AMER3: variants seen among roughly 807,000 people sequenced by gnomAD.
The protein encoded by AMER3 is APC membrane recruitment protein 3, also known as family with sequence similarity 123C.
For synonymous variants in AMER3, 541 were observed against 485.5 expected, an observed-to-expected ratio of 1.11 and a Z score of -1.50; for missense variants, 1,201 against 1,139.4, an observed-to-expected ratio of 1.05 and a Z score of -0.78.
chr2:130,764,844 A>G lies in AMER3; in HGVS notation c.*186A>G. 1 of 754,554 alleles carries G rather than the reference A, an allele frequency of 1.3e-6. No homozygotes were observed. The highest frequency in any genetic ancestry group is 1.8e-5 in the African/African-American group (1 of 56,640). The allele number at this position is 754,554 out of a possible 1,614,324, so 46.7% of individuals were successfully genotyped here. A position where few individuals can be genotyped will look rare whatever the true frequency, so the allele number is the denominator to read the frequency against. On this transcript the variant is annotated 3_prime_UTR_variant, in exon 2 of 2. Transcript: ENST00000321420. ...CATCCTTGCCTGAACCCACCAGCTC[A>G]GGCAGCCCACCGCCAAAGACAGCGC...
At position 130,764,758 on chromosome 2, in the gene AMER3, G is replaced by T; in HGVS notation, c.*100G>T. On this transcript the variant is annotated 3_prime_UTR_variant, in exon 2 of 2. Coordinates refer to ENST00000321420, the MANE Select transcript of AMER3 (RefSeq NM_152698.3). The stretch of plus-strand genomic sequence containing the variant: ...ATCTTTTGTCCCTGATGTGGGGACT[G>T]TGTTGGGGGTGGGGGGTGGCAGGAC... 2 of 1,345,744 alleles carry T rather than the reference G, an allele frequency of 1.5e-6. No homozygotes were observed. The highest frequency in any genetic ancestry group is 2.8e-5 in the Admixed American group (1 of 35,684). 83.4% of individuals were successfully genotyped at this position (1,345,744 alleles called of 1,614,324 possible).
chr2:130,759,071 A>G (rs79841643), intron 1 of AMER3, among the ~76,000 whole-genome samples: 4,551 of 152,278 alleles, frequency 0.03, 220 homozygotes, highest in African/African-American at 0.1. Flanking sequence ...TTCCGATAAA[A>G]CATTTTAATA....
chr2:130,756,593 A>C (rs371379430), intron 1 of AMER3, among the ~76,000 whole-genome samples: 1 of 152,064 alleles, frequency 6.6e-6, no homozygotes, highest in South Asian at 2.1e-4. Flanking sequence ...AGGGAAGCGG[A>C]GAAACCCTCC....
rs754418807 is a variant in AMER3 at position 130,763,284 on chromosome 2, C to A, written c.1212C>A (p.Ser404Arg). ...AGGAGGACAAGAAGGAAGCTGAGAG[C>A]CCAGGCACTCCTGCCGCCACCTTCC... ...GLEEDKKEAE[S>R]PGTPAATFPR... The change falls in exon 2 of 2, where the codon AGC becomes AGA. Residue 404 changes from serine (S) to arginine (R), a missense_variant. Coordinates refer to ENST00000321420, the MANE Select transcript of AMER3 (RefSeq NM_152698.3). 12 of 1,613,766 alleles carry A rather than the reference C, an allele frequency of 7.4e-6. No homozygotes were observed. Among genetic ancestry groups the A allele is most frequent in the Middle Eastern group, 3.3e-4 (2 of 6,062 alleles).
At position 130,763,609 on chromosome 2, in the gene AMER3, C is replaced by T. The variant is rs752803111; in HGVS notation, c.1537C>T (p.Arg513Cys). The T allele has an allele frequency of 4.5e-5, 71 of 1,586,944 alleles. No homozygotes were observed. The highest frequency in any genetic ancestry group is 5.8e-5 in the South Asian group (5 of 86,902). ...AITMGIVSWL[R>C]RGPTPRAPPT... ...CACCATGGGCATCGTCAGCTGGCTG[C>T]GCCGAGGCCCCACGCCCCGTGCCCC... Residue 513 changes from arginine (R) to cysteine (C), a missense_variant, in exon 2 of 2, where the codon CGC becomes TGC. Physicochemically the swap from Arg to Cys is radical, Grantham distance 180 (BLOSUM62 -3). Transcript: ENST00000321420.
rs1241609532 is a variant in AMER3 at position 130,762,037 on chromosome 2, C to T, written c.-19-17C>T. ...CTCCCGTCTATGATACTGAGTGCCT[C>T]CTGCTTTCCTCCACAGCAGCTGGGG... On this transcript the variant is annotated splice_polypyrimidine_tract_variant and intron_variant, in intron 1 of 1. Transcript: ENST00000321420. 1 of 1,593,790 alleles carries T rather than the reference C, an allele frequency of 6.3e-7. No individual in the cohort carries two copies. The highest frequency in any genetic ancestry group is 8.5e-7 in the Non-Finnish European group (1 of 1,170,408).
Position 130,762,378 on chromosome 2 carries a change from C to G in AMER3, c.306C>G (p.Gly102=). The change falls in exon 2 of 2, where the codon GGC becomes GGG. Residue 102 remains glycine, a synonymous_variant. Coordinates refer to ENST00000321420, the MANE Select transcript of AMER3 (RefSeq NM_152698.3). ...CKTHDSMSGA[G]RATAATGQLV... ...CTCACGACAGCATGTCTGGGGCAGG[C>G]AGGGCCACGGCTGCCACAGGGCAGC... The G allele has an allele frequency of 6.2e-7, 1 of 1,611,378 alleles. No individual in the cohort carries two copies. Among genetic ancestry groups the G allele is most frequent in the East Asian group, 2.2e-5 (1 of 44,872 alleles).
chr2:130,756,146 C>T (rs1337202028), intron 1 of AMER3: 1 of 148,156 alleles, frequency 6.7e-6, no homozygotes, highest in East Asian at 1.9e-4. Context: ...CCCTCGCCAC[C>T]CCTGCGCGCC....
At chr2:130,759,951 T>G (rs1242946990) in intron 1 of AMER3, among the ~76,000 whole-genome samples, 1 of 152,212 alleles carries the variant, frequency 6.6e-6, no homozygotes, top group Non-Finnish European at 1.5e-5. Context: ...GAGCCACAGC[T>G]TGGAGAGTAA....
Position 130,762,184 on chromosome 2 carries a change from T to TCAGTCCTTCCAGGAGGGCAACAGAG in AMER3, c.113_137dup (p.Arg46SerfsTer13). ...AGCCAGGGAGGGGACAGGCCCCTGGTCAGTCCTTCCAGGAGGGCAACAGAG... is the reference window on the plus strand; with the variant it reads ...AGCCAGGGAGGGGACAGGCCCCTGGTCAGTCCTTCCAGGAGGGCAACAGAGCAGTCCTTCCAGGAGGGCAACAGAG... On this transcript the variant is annotated frameshift_variant, in exon 2 of 2. Transcript: ENST00000321420. LOFTEE classifies it low-confidence loss of function (END_TRUNC). The TCAGTCCTTCCAGGAGGGCAACAGAG allele has an allele frequency of 6.3e-7, 1 of 1,597,902 alleles. No homozygotes were observed. The highest frequency in any genetic ancestry group is 8.5e-7 in the Non-Finnish European group (1 of 1,172,412).
In AMER3 at chr2:130,762,919, G is replaced by A. The variant is rs778035664; in HGVS notation, c.847G>A (p.Val283Ile). The A allele has an allele frequency of 6.2e-7, 1 of 1,612,754 alleles. No homozygotes were observed. Among genetic ancestry groups the A allele is most frequent in the Non-Finnish European group, 8.5e-7 (1 of 1,179,646 alleles). ...GGCTGCTCAGGGCCTGGAGAGCAAG[G>A]TTCCCAGGGGCCCTCTCCAGGGCAG... is the stretch of plus-strand genomic sequence containing the variant. The part of the protein sequence containing the change: ...TQAAQGLESK[V>I]PRGPLQGSVE... Residue 283 changes from valine (V) to isoleucine (I), a missense_variant, in exon 2 of 2, where the codon GTT becomes ATT. Transcript: ENST00000321420.
At position 130,764,679 on chromosome 2, in the gene AMER3, G is replaced by A. The variant is rs374628084; in HGVS notation, c.*21G>A. On this transcript the variant is annotated 3_prime_UTR_variant, in exon 2 of 2. Coordinates refer to ENST00000321420, the MANE Select transcript of AMER3 (RefSeq NM_152698.3). ...TGTAGGACAGGCTCACATGCACCAG[G>A]AACTGCATGTGTCTTCATGACCACT... 2.2e-4 allele frequency: 338 copies of A among 1,570,608 alleles called. No individual in the cohort carries two copies. Among genetic ancestry groups the A allele is most frequent in the Middle Eastern group, 1.5e-3 (7 of 4,610 alleles).
rs777396837 is a variant in AMER3, at chr2:130,763,299, C to T, written c.1227C>T (p.Ala409=). The T allele has an allele frequency of 7.4e-6, 12 of 1,613,620 alleles. No individual in the cohort carries two copies. The highest frequency in any genetic ancestry group is 2.7e-5 in the African/African-American group (2 of 74,940). The change falls in exon 2 of 2, where the codon GCC becomes GCT. Residue 409 remains alanine (A), a synonymous_variant. Coordinates refer to ENST00000321420, the MANE Select transcript of AMER3 (RefSeq NM_152698.3). ...AAGCTGAGAGCCCAGGCACTCCTGC[C>T]GCCACCTTCCCACGGGACAGCTACA... The part of the protein sequence containing the change: ...KKEAESPGTP[A]ATFPRDSYSG...
chr2:130,755,926 A>C (rs1027114506), intron 1 of AMER3: 4 of 152,086 alleles, frequency 2.6e-5, no homozygotes, highest in Admixed American at 6.5e-5. Flanking sequence ...CTCCCGGAAG[A>C]GGGGACAGCG....
At chr2:130,758,215 T>G (rs1393158558) in intron 1 of AMER3, among the ~76,000 whole-genome samples, 3 of 150,362 alleles carry the variant, frequency 2.0e-5, no homozygotes, top group African/African-American at 7.4e-5. Flanking sequence ...AAAAAAAAAA[T>G]TAACTGGGCG....
At position 130,766,483 on chromosome 2, in the gene AMER3, CTT is replaced by C. The variant is rs913069900; in HGVS notation, c.*1849_*1850del. On this transcript the variant is annotated 3_prime_UTR_variant, in exon 2 of 2. Coordinates refer to ENST00000321420, the MANE Select transcript of AMER3 (RefSeq NM_152698.3). ...GGCATGGCACCAGCATCTGCTGCTG[CTT>C]TTTTTTTTTTTTTTTTTTTTTTTGA... The C allele has an allele frequency of 2.6e-4, 23 of 87,116 alleles. No homozygotes were observed. The highest frequency in any genetic ancestry group is 6.1e-4 in the African/African-American group (12 of 19,696). The allele number at this position is 87,116 out of a possible 1,614,324, so 5.4% of individuals were successfully genotyped here. A position where few individuals can be genotyped will look rare whatever the true frequency, so the allele number is the denominator to read the frequency against.
intron 1 of AMER3, among the ~76,000 whole-genome samples, chr2:130,758,599 T>G (rs182027183): frequency 6.6e-6 from 1 of 152,350 alleles, no homozygotes; most frequent in East Asian, 1.9e-4. Context: ...AACTAAGTAA[T>G]AGCTCACCGC....
Position 130,763,460 on chromosome 2 carries a change from G to A in AMER3, c.1388G>A (p.Arg463Gln), listed in dbSNP as rs771745591. Residue 463 changes from arginine (R) to glutamine (Q), a missense_variant, in exon 2 of 2, where the codon CGA becomes CAA. Transcript: ENST00000321420. The stretch of plus-strand genomic sequence containing the variant: ...ACGCCACTGTCCATATGCAGCTTCC[G>A]AGTGGGGGCCGAGGAGAACTTGGCC... Reference protein sequence around the residue: ...LGTPLSICSFRVGAEENLAPA... With the variant: ...LGTPLSICSFQVGAEENLAPA... 1.4e-5 allele frequency: 22 copies of A among 1,612,726 alleles called. No individual in the cohort carries two copies. The Middle Eastern group carries it at 1.2e-3, about 84-fold the overall frequency.
In AMER3 at chr2:130,768,097, C is replaced by G. The variant is rs1300559370; in HGVS notation, c.*3439C>G. 6.0e-6 allele frequency: 1 copy of G among 167,190 alleles called. No homozygotes were observed. Among genetic ancestry groups the G allele is most frequent in the Non-Finnish European group, 1.5e-5 (1 of 68,212 alleles). 10.4% of individuals were successfully genotyped at this position (167,190 alleles called of 1,614,324 possible). A position where few individuals can be genotyped will look rare whatever the true frequency, so the allele number is the denominator to read the frequency against. ...TGCTGCACCTGAGGGAGTAGCCGCTCTGTAAATCCTTGTTGAAAGAATGAA... is the reference window on the plus strand; with the variant it reads ...TGCTGCACCTGAGGGAGTAGCCGCTGTGTAAATCCTTGTTGAAAGAATGAA... On this transcript the variant is annotated 3_prime_UTR_variant, in exon 2 of 2. Coordinates refer to ENST00000321420, the MANE Select transcript of AMER3 (RefSeq NM_152698.3).
Sources: gnomAD v4.1 joint callset for allele counts (sites outside exome capture counted in the v4.1 genomes callset) on GRCh38, gnomAD v4.1.1 for gene constraint, MANE v1.5 for transcripts, NCBI Gene and HGNC (gene_info 2026-07-23, HGNC 2026-07-21) for gene names.